NAV2: variants seen among roughly 807,000 people sequenced by gnomAD.
The protein encoded by NAV2 is helicase, APC down-regulated 1.
Under a neutral mutation model 223.2 loss-of-function variants are expected in NAV2, and 54 were observed. The ratio of observed to expected loss-of-function variants is 0.24; its 90% CI spans 0.19 to 0.30. The LOEUF (loss-of-function observed/expected upper bound fraction) is 0.30, where lower values mean the gene tolerates loss of function less well. NAV2 is among the 10% of genes least tolerant of loss of function. The pLI, the probability that NAV2 is intolerant of heterozygous loss-of-function variation, is 1.00. For synonymous variants in NAV2, 1,279 were observed against 1,239.3 expected, an observed-to-expected ratio of 1.03 and a Z score of -0.67; for missense variants, 2,806 against 3,147.5, an observed-to-expected ratio of 0.89 and a Z score of 2.60.
chr11:19,494,051 C>A (rs2134097481), intron 1 of NAV2, among the ~76,000 whole-genome samples: 2 of 152,166 alleles, frequency 1.3e-5, no homozygotes, highest in East Asian at 3.9e-4. Flanking sequence ...CTGAGCTCTG[C>A]AGAGCAGTGG....
At chr11:19,463,963 G>A (rs1442334099) in intron 1 of NAV2, among the ~76,000 whole-genome samples, 1 of 152,170 alleles carries the variant, frequency 6.6e-6, no homozygotes, top group Non-Finnish European at 1.5e-5. Context: ...CCGGAAAGAA[G>A]GTTGAACTGA....
At chr11:19,551,752 A>G (rs1361725251) in intron 1 of NAV2, among the ~76,000 whole-genome samples, 3 of 152,050 alleles carry the variant, frequency 2.0e-5, no homozygotes, top group African/African-American at 7.2e-5. Context: ...AAAAATGGTT[A>G]GTTCTTTCAG....
intron 20 of NAV2, among the ~76,000 whole-genome samples, chr11:20,067,707 C>G (rs978745558): frequency 2.7e-5 from 4 of 145,466 alleles, no homozygotes; most frequent in Non-Finnish European, 6.0e-5. Context: ...CCAGGCTGGT[C>G]TTCAACTCCT....
At chr11:19,450,169 C>T (rs892894965) in intron 1 of NAV2, among the ~76,000 whole-genome samples, 2 of 152,156 alleles carry the variant, frequency 1.3e-5, no homozygotes, top group African/African-American at 4.8e-5. Context: ...GGGTGAGCAG[C>T]CGCATGGTAC....
At chr11:19,829,964 C>T (rs777485493) in intron 1 of NAV2, among the ~76,000 whole-genome samples, 18 of 152,298 alleles carry the variant, frequency 1.2e-4, no homozygotes, top group East Asian at 1.9e-4. Flanking sequence ...CGGTGGCTCA[C>T]GCCTGTAATC....
At chr11:19,970,107 G>C (rs2049104418) in intron 10 of NAV2, among the ~76,000 whole-genome samples, 1 of 152,180 alleles carries the variant, frequency 6.6e-6, no homozygotes, top group African/African-American at 2.4e-5. Context: ...GACCACAGTT[G>C]ACTGTGGATG....
chr11:19,489,936 G>A (rs144822944), intron 1 of NAV2, among the ~76,000 whole-genome samples: 1,847 of 152,222 alleles, frequency 0.012, 16 homozygotes, highest in Non-Finnish European at 0.02. Context: ...ACACTATACA[G>A]GCATACATTG....
chr11:19,406,720 G>T (rs558670044), intron 1 of NAV2, among the ~76,000 whole-genome samples: 1 of 152,236 alleles, frequency 6.6e-6, no homozygotes, highest in South Asian at 2.1e-4. Flanking sequence ...GAGGATCTGG[G>T]CTTCCCTGCC....
intron 1 of NAV2, among the ~76,000 whole-genome samples, chr11:19,761,009 G>C (rs911814499): frequency 3.9e-5 from 6 of 152,156 alleles, no homozygotes; most frequent in Non-Finnish European, 7.3e-5. Flanking sequence ...ACCCCATTGG[G>C]AGTGCTGTTC....
At chr11:19,951,399 C>A (rs2047386871) in intron 10 of NAV2, among the ~76,000 whole-genome samples, 2 of 148,230 alleles carry the variant, frequency 1.3e-5, no homozygotes, top group African/African-American at 2.5e-5. Flanking sequence ...TTCTAGTTTT[C>A]CATAAACATG....
intron 1 of NAV2, among the ~76,000 whole-genome samples, chr11:19,692,879 A>G (rs1043182070): frequency 6.6e-6 from 1 of 152,230 alleles, no homozygotes; most frequent in African/African-American, 2.4e-5. Context: ...TAGCATATAC[A>G]TTATACCAGC....
At chr11:19,709,802 G>A (rs1452018617), upstream of NAV2, among the ~76,000 whole-genome samples, 3 of 151,890 alleles carry the variant, frequency 2.0e-5, no homozygotes, top group Non-Finnish European at 4.4e-5. Flanking sequence ...CAAAAAAAAA[G>A]GAGATAAATA....
At chr11:19,405,481 T>C (rs2133348948) in intron 1 of NAV2, among the ~76,000 whole-genome samples, 1 of 152,324 alleles carries the variant, frequency 6.6e-6, no homozygotes, top group East Asian at 1.9e-4. Flanking sequence ...GCTGTATTTA[T>C]CTGAATACGA....
chr11:19,383,082 G>A (rs1848905038), intron 1 of NAV2, among the ~76,000 whole-genome samples: 1 of 152,132 alleles, frequency 6.6e-6, no homozygotes, highest in African/African-American at 2.4e-5. Context: ...CTTGTTAACT[G>A]AGGCTTAGGA....
Position 20,080,061 on chromosome 11 carries a change from C to T in NAV2, c.5180-3C>T. ...TGCTGAAACACCCTGCCTTGGTCTC[C>T]AGGAAACGGCACTGCCCAGTCTGCA... On this transcript the variant is annotated splice_region_variant and splice_polypyrimidine_tract_variant and intron_variant, in intron 24 of 37. Transcript: ENST00000349880. 6.2e-7 allele frequency: 1 copy of T among 1,613,210 alleles called. No individual in the cohort carries two copies. Among genetic ancestry groups the T allele is most frequent in the Non-Finnish European group, 8.5e-7 (1 of 1,179,882 alleles).
At position 20,051,336 on chromosome 11, in the gene NAV2, A is replaced by G. The variant is rs775324510; in HGVS notation, c.4481+3A>G. The G allele has an allele frequency of 1.9e-5, 30 of 1,613,778 alleles. No individual in the cohort carries two copies. The highest frequency in any genetic ancestry group is 2.5e-5 in the Non-Finnish European group (29 of 1,179,772). On this transcript the variant is annotated splice_donor_region_variant and intron_variant, in intron 17 of 37. Transcript: ENST00000349880. The stretch of plus-strand genomic sequence containing the variant: ...ACTTTGCCTAAGAAAGGACTCAGGT[A>G]TCTGTGTTTCCTCCTTGCATCTGTG...
At chr11:19,467,995 A>G (rs16936799) in intron 1 of NAV2, among the ~76,000 whole-genome samples, 14,262 of 152,238 alleles carry the variant, frequency 0.094, 712 homozygotes, top group Admixed American at 0.13. Context: ...GGAGGTGGGC[A>G]TAAGGAAGGG....
At chr11:19,393,539 T>C (rs1421464887) in intron 1 of NAV2, among the ~76,000 whole-genome samples, 1 of 152,254 alleles carries the variant, frequency 6.6e-6, no homozygotes, top group African/African-American at 2.4e-5. Context: ...ATCTGTACTA[T>C]GAAATTATAT....
At chr11:19,457,481 A>G (rs1416558214) in intron 1 of NAV2, among the ~76,000 whole-genome samples, 1 of 152,190 alleles carries the variant, frequency 6.6e-6, no homozygotes, top group African/African-American at 2.4e-5. Flanking sequence ...GGGAAGAGGG[A>G]TGGAGGAGGG....
Sources: allele counts gnomAD v4.1 joint callset (sites outside exome capture counted in the v4.1 genomes callset), GRCh38; gene constraint gnomAD v4.1.1; transcripts MANE v1.5; gene names NCBI Gene and HGNC (gene_info 2026-07-23, HGNC 2026-07-21).